Variants in SAG observed in about 807,000 individuals in gnomAD.
SAG encodes the protein S-arrestin.
A neutral mutation model predicts 55.0 loss-of-function variants in SAG; 45 were observed. The observed-to-expected ratio is 0.82, with a 90% confidence interval of 0.64 to 1.05. The LOEUF is 1.05. SAG is among the 50% of genes least tolerant of loss of function. The pLI, the probability that SAG is intolerant of heterozygous loss-of-function variation, is 0.00. For missense variants in SAG, 455 were observed against 512.1 expected, an observed-to-expected ratio of 0.89 and a Z score of 1.08; for synonymous variants, 189 against 197.4, an observed-to-expected ratio of 0.96 and a Z score of 0.36.
At position 233,335,003 on chromosome 2, in the gene SAG, C is replaced by T. The variant is rs368777174; in HGVS notation, c.848C>T (p.Thr283Met). 1.5e-5 allele frequency: 24 copies of T among 1,614,008 alleles called. No individual in the cohort carries two copies. In the East Asian group the frequency reaches 1.6e-4, roughly 10 times the overall value. ...PPNSTLTKTL[T>M]LLPLLANNRE... ...AACAGCACTTTGACCAAGACGCTGA[C>T]GCTGCTGCCCTTGCTGGCTAACAAT... Residue 283 changes from threonine to methionine, a missense_variant, in exon 11 of 16, where the codon ACG becomes ATG. Transcript: ENST00000409110.
Position 233,340,643 on chromosome 2 carries a change from T to C in SAG, c.1046+165T>C, listed in dbSNP as rs775326740. ...GGATGCATCACAGAACCGTGGCTCA[T>C]AGGCGTTTCTTTGGGACCAGATTTC... On this transcript the variant is annotated intron_variant, in intron 13 of 15. Transcript: ENST00000409110. The surrounding 1 kb of genome is among the most constrained non-coding windows in gnomAD (Gnocchi z 4.2). 7.9e-5 allele frequency among the ~76,000 whole-genome samples: 12 copies of C among 152,110 alleles called. No individual in the cohort carries two copies. Among genetic ancestry groups the C allele is most frequent in the Non-Finnish European group, 1.6e-4 (11 of 68,030 alleles).
chr2:233,314,009 C>G (rs1700149797), intron 2 of SAG, among the ~76,000 whole-genome samples: 1 of 151,826 alleles, frequency 6.6e-6, no homozygotes, highest in Non-Finnish European at 1.5e-5. Context: ...TGCTTGAGCC[C>G]AGGAGTTTGA....
At chr2:233,318,152 C>CT (rs763956338) in intron 3 of SAG, among the ~76,000 whole-genome samples, 35 of 151,448 alleles carry the variant, frequency 2.3e-4, no homozygotes, top group Non-Finnish European at 4.4e-4. Context: ...GCCCTGCTAA[C>CT]TTTTTTTCTT....
chr2:233,329,967 A>G (rs1700696204), intron 9 of SAG, among the ~76,000 whole-genome samples: 1 of 152,014 alleles, frequency 6.6e-6, no homozygotes, highest in African/African-American at 2.4e-5. Context: ...CTCCTTGTCT[A>G]CCTTCCCAGG....
At chr2:233,328,294 C>T (rs1003723219) in intron 7 of SAG, 184 bp from the exon 8 acceptor site, 5 of 605,540 alleles carry the variant, frequency 8.3e-6, no homozygotes, top group African/African-American at 5.6e-5. Flanking sequence ...ACCCAGACCC[C>T]CAGGCTCTTC....
chr2:233,313,715 CTTTTTTT>C (rs58355307), intron 2 of SAG, among the ~76,000 whole-genome samples: 3 of 78,950 alleles, frequency 3.8e-5, no homozygotes, highest in Non-Finnish European at 2.5e-5. Flanking sequence ...CCGGGCTAAT[CTTTTTTT>C]TTTTTTTTTT....
chr2:233,335,135 G>A, intron 11 of SAG, 36 bp downstream of exon 11: 1 of 1,593,814 alleles, frequency 6.3e-7, no homozygotes, highest in Non-Finnish European at 8.6e-7. Flanking sequence ...AGCCCTGGCA[G>A]GGCGGGCTGG....
chr2:233,338,589 A>G, intron 11 of SAG, 87 bp from the exon 12 acceptor site: 1 of 1,184,788 alleles, frequency 8.4e-7, no homozygotes, highest in Non-Finnish European at 1.3e-6. Context: ...CCATGACGGC[A>G]TGCCTGCCTC....
Position 233,328,525 on chromosome 2 carries a change from A to T in SAG, c.560A>T (p.Glu187Val), listed in dbSNP as rs755863101. Residue 187 changes from glutamate to valine, a missense_variant, in exon 8 of 16, where the codon GAG (glutamate) becomes GTG (valine). Physicochemically the swap from Glu to Val is moderately radical, Grantham distance 121. Coordinates refer to ENST00000409110, the MANE Select transcript of SAG (RefSeq NM_000541.5). Reference sequence around the variant, plus strand: ...CGCAAAGTACAGCATGCCCCACTTGAGATGGGTCCCCAGCCCCGAGCTGAG... The same window carrying T: ...CGCAAAGTACAGCATGCCCCACTTGTGATGGGTCCCCAGCCCCGAGCTGAG... ...LIRKVQHAPLEMGPQPRAEAA... is the reference protein window; with the variant it reads ...LIRKVQHAPLVMGPQPRAEAA... 3.1e-6 allele frequency: 5 copies of T among 1,613,942 alleles called. No homozygotes were observed. The highest frequency in any genetic ancestry group is 4.2e-6 in the Non-Finnish European group (5 of 1,179,840).
chr2:233,314,814 G>C (rs947714937), intron 2 of SAG, among the ~76,000 whole-genome samples: 1 of 152,208 alleles, frequency 6.6e-6, no homozygotes, highest in Non-Finnish European at 1.5e-5. Context: ...ATGGGTGAAA[G>C]GGGAGCGTAT....
At position 233,329,255 on chromosome 2, in the gene SAG, C is replaced by G. The variant is rs1700671958; in HGVS notation, c.649-238C>G. 3 of 476,634 alleles carry G rather than the reference C, an allele frequency of 6.3e-6. No individual in the cohort carries two copies. In the South Asian group the frequency reaches 6.4e-5, roughly 10 times the overall value. 29.5% of individuals were successfully genotyped at this position (476,634 alleles called of 1,614,324 possible). A position where few individuals can be genotyped will look rare whatever the true frequency, so the allele number is the denominator to read the frequency against. ...TCATCCTGCCCCCATAACCTCCTGA[C>G]CCCTGGCCTCCTCCGATGTGATGAT... On this transcript the variant is annotated intron_variant, in intron 8 of 15. Coordinates refer to ENST00000409110, the MANE Select transcript of SAG (RefSeq NM_000541.5).
chr2:233,346,339 A>G, intron 14 of SAG, 64 bp from the exon 15 acceptor site: 2 of 1,559,788 alleles, frequency 1.3e-6, no homozygotes, highest in African/African-American at 1.4e-5. Flanking sequence ...TATGATATAG[A>G]ATTTAGACTA....
chr2:233,337,234 A>G (rs2125346904), intron 11 of SAG, among the ~76,000 whole-genome samples: 1 of 112,686 alleles, frequency 8.9e-6, no homozygotes, highest in South Asian at 3.3e-4. Context: ...GTCCTCTTTT[A>G]AAAATTATTT....
intron 6 of SAG, among the ~76,000 whole-genome samples, chr2:233,325,989 G>A (rs759866706): frequency 2.6e-5 from 4 of 151,936 alleles, no homozygotes; most frequent in African/African-American, 7.2e-5. Context: ...CAATAAATCC[G>A]TGCCTCATAT....
At chr2:233,338,987 GCGCCACTTTGC>G in intron 12 of SAG, 5 of 615,004 alleles carry the variant, frequency 8.1e-6, no homozygotes, top group Admixed American at 7.0e-5. Context: ...TGCATTCTTA[GCGCCACTTTGC>G]AAAAATACGT....
At chr2:233,322,847 G>T in intron 5 of SAG, 99 bp from the exon 6 acceptor site, 2 of 784,470 alleles carry the variant, frequency 2.5e-6, no homozygotes, top group African/African-American at 1.8e-5. Flanking sequence ...CTTTTTTCTT[G>T]CTTATCATCT....
chr2:233,328,730 T>G, intron 8 of SAG, 117 bp downstream of exon 8: 1 of 1,192,582 alleles, frequency 8.4e-7, no homozygotes, highest in Admixed American at 2.5e-5. Flanking sequence ...GGAAGCTTGT[T>G]TCTAGGATAA....
chr2:233,322,510 T>C lies in SAG; in HGVS notation c.376-436T>C, dbSNP rs1000252882. On this transcript the variant is annotated intron_variant, in intron 5 of 15. Coordinates refer to ENST00000409110, the MANE Select transcript of SAG (RefSeq NM_000541.5). ...TAAAACGTCTTCTCACATATACATA[T>C]TTGGGCGTGGCCAGTTGCAGTGGCT... Among the ~76,000 whole-genome samples the C allele has an allele frequency of 3.3e-5, 5 of 152,188 alleles. No individual in the cohort carries two copies. The South Asian group carries it at 8.3e-4, about 25-fold the overall frequency.
intron 13 of SAG, 68 bp from the exon 14 acceptor site, chr2:233,342,203 G>T (rs1418617688): frequency 1.7e-6 from 2 of 1,190,274 alleles, no homozygotes; most frequent in Non-Finnish European, 2.5e-6. Context: ...CGCAGCCATA[G>T]GTCTTTGCTG....
Sources: gnomAD v4.1 joint callset for allele counts (sites outside exome capture counted in the v4.1 genomes callset) on GRCh38, gnomAD v4.1.1 for gene constraint, Gnocchi (gnomAD v3.1) non-coding constraint, MANE v1.5 for transcripts, NCBI Gene and HGNC (gene_info 2026-07-23, HGNC 2026-07-21) for gene names.